LRP1B: variants seen among roughly 807,000 people sequenced by gnomAD.
The protein encoded by LRP1B is low-density lipoprotein receptor-related protein 1B.
LRP1B carries 217 observed loss-of-function variants against 556.6 expected under a neutral mutation model. The observed-to-expected ratio is 0.39, with a 90% CI of 0.35 to 0.44. LRP1B has a LOEUF of 0.44. Among genes scored for constraint, LRP1B ranks in the 20% least tolerant of loss-of-function variants. The pLI, the probability that LRP1B is intolerant of heterozygous loss-of-function variation, is 1.00. For synonymous variants in LRP1B, 2,047 were observed against 1,865.8 expected (o/e 1.10, Z -2.50); for missense variants, 5,053 against 5,620.8 (o/e 0.90, Z 3.23).
chr2:140,864,045 C>A (rs1692876908), intron 27 of LRP1B, among the ~76,000 whole-genome samples: 1 of 151,786 alleles, frequency 6.6e-6, no homozygotes, highest in African/African-American at 2.4e-5. Flanking sequence ...GTTCAGATAA[C>A]AGAACGATTA....
At chr2:140,401,225 T>A (rs11900993) in intron 66 of LRP1B, among the ~76,000 whole-genome samples, 2 of 152,156 alleles carry the variant, frequency 1.3e-5, no homozygotes, top group African/African-American at 2.4e-5. Context: ...TGACATGGTC[T>A]GAAAGCCTCT....
chr2:141,993,413 C>T (rs1423780136), intron 1 of LRP1B, among the ~76,000 whole-genome samples: 1 of 103,860 alleles, frequency 9.6e-6, no homozygotes. Flanking sequence ...GCTGGGGGCT[C>T]CACTAGGAGC....
At chr2:140,389,865 T>C (rs1683938813) in intron 66 of LRP1B, among the ~76,000 whole-genome samples, 1 of 151,818 alleles carries the variant, frequency 6.6e-6, no homozygotes, top group Non-Finnish European at 1.5e-5. Flanking sequence ...TGGTGGTGGC[T>C]CACACCAGTA....
At chr2:142,088,701 C>T (rs758564132) in intron 1 of LRP1B, among the ~76,000 whole-genome samples, 12 of 152,016 alleles carry the variant, frequency 7.9e-5, no homozygotes, top group Non-Finnish European at 1.8e-4. Flanking sequence ...TATGGCCGGG[C>T]GCAGTGGCTC....
chr2:140,392,758 A>C (rs1299844341), intron 66 of LRP1B, among the ~76,000 whole-genome samples: 1 of 152,126 alleles, frequency 6.6e-6, no homozygotes. Context: ...CATCTTCTTC[A>C]AGAGTGCCAA....
intron 43 of LRP1B, among the ~76,000 whole-genome samples, chr2:140,567,082 T>C (rs1392721862): frequency 3.3e-5 from 5 of 152,018 alleles, no homozygotes; most frequent in Non-Finnish European, 1.5e-5. Flanking sequence ...GAAACAAAAA[T>C]GGCTAGGCTG....
chr2:141,327,059 G>C (rs1261334143), intron 3 of LRP1B, among the ~76,000 whole-genome samples: 1 of 152,080 alleles, frequency 6.6e-6, no homozygotes, highest in Non-Finnish European at 1.5e-5. Context: ...GAAATTCACA[G>C]GGCTTAGTGA....
chr2:140,848,651 G>A (rs139805887), intron 29 of LRP1B, among the ~76,000 whole-genome samples: 1 of 152,240 alleles, frequency 6.6e-6, no homozygotes, highest in African/African-American at 2.4e-5. Flanking sequence ...ATGGATTACT[G>A]ATTACTCTTT....
At chr2:141,849,493 T>C (rs1237984784) in intron 1 of LRP1B, among the ~76,000 whole-genome samples, 1 of 151,696 alleles carries the variant, frequency 6.6e-6, no homozygotes, top group East Asian at 1.9e-4. Flanking sequence ...ATTAGAAAGT[T>C]GTTCCATTTT....
chr2:141,550,854 A>G (rs931369618), intron 2 of LRP1B, among the ~76,000 whole-genome samples: 5 of 152,080 alleles, frequency 3.3e-5, no homozygotes, highest in Admixed American at 2.6e-4. Context: ...TTCCCACTTA[A>G]AGTGCTTTGA....
intron 28 of LRP1B, among the ~76,000 whole-genome samples, chr2:140,850,619 A>G (rs897033759): frequency 6.6e-6 from 1 of 152,212 alleles, no homozygotes; most frequent in Non-Finnish European, 1.5e-5. Context: ...GCTAAACTAC[A>G]TAAACTACGA....
At chr2:140,499,479 T>C (rs1488144389) in intron 55 of LRP1B, among the ~76,000 whole-genome samples, 1 of 151,714 alleles carries the variant, frequency 6.6e-6, no homozygotes, top group African/African-American at 2.4e-5. Context: ...CATCAGTTAA[T>C]GACAGGGATA....
At chr2:140,741,195 C>T (rs1343158856) in intron 35 of LRP1B, among the ~76,000 whole-genome samples, 2 of 152,188 alleles carry the variant, frequency 1.3e-5, no homozygotes, top group Non-Finnish European at 2.9e-5. Flanking sequence ...AATTGTATTA[C>T]ATCAGCTTCA....
intron 15 of LRP1B, among the ~76,000 whole-genome samples, chr2:140,999,435 A>T (rs895030088): frequency 1.3e-5 from 2 of 152,066 alleles, no homozygotes; most frequent in Admixed American, 1.3e-4. Context: ...TCAGAAAAAA[A>T]TTTCTCTACT....
In LRP1B at chr2:140,453,604, T is replaced by C. The variant is rs1006401753; in HGVS notation, c.9963+2851A>G. On this transcript the variant is annotated intron_variant, in intron 62 of 90. Transcript: ENST00000389484. ...GCAATCTCAATATGGTAAAGTTTAG[T>C]TGAAACAAGAAAAGTCTCCATTTTA... is the stretch of plus-strand genomic sequence containing the variant. Among the ~76,000 whole-genome samples, 10 of 152,210 alleles carry C rather than the reference T, an allele frequency of 6.6e-5. No individual in the cohort carries two copies. In the South Asian group the frequency reaches 1.9e-3, roughly 28 times the overall value.
intron 35 of LRP1B, among the ~76,000 whole-genome samples, chr2:140,747,075 G>A (rs966559628): frequency 2.0e-5 from 3 of 152,112 alleles, no homozygotes; most frequent in Non-Finnish European, 4.4e-5. Flanking sequence ...AAGGTTTCTG[G>A]GTCTCTGTGT....
chr2:141,474,326 A>G (rs1387101785), intron 3 of LRP1B, among the ~76,000 whole-genome samples: 4 of 152,222 alleles, frequency 2.6e-5, no homozygotes, highest in Non-Finnish European at 5.9e-5. Flanking sequence ...TAATTTTCCC[A>G]TGGTGAATCA....
chr2:141,418,430 A>ATTTT (rs1227512681), intron 3 of LRP1B, among the ~76,000 whole-genome samples: 302 of 108,316 alleles, frequency 2.8e-3, no homozygotes, highest in African/African-American at 0.011. Context: ...ACAGAGCACA[A>ATTTT]TATTTTTTTT....
chr2:141,855,238 G>T (rs997721594), intron 1 of LRP1B, among the ~76,000 whole-genome samples: 2 of 152,020 alleles, frequency 1.3e-5, no homozygotes, highest in Non-Finnish European at 2.9e-5. Context: ...AGAAGCAGAT[G>T]TAACAGGTTT....
Sources: gnomAD v4.1 joint callset for allele counts (sites outside exome capture counted in the v4.1 genomes callset) on GRCh38, gnomAD v4.1.1 for gene constraint, MANE v1.5 for transcripts, NCBI Gene and HGNC (gene_info 2026-07-23, HGNC 2026-07-21) for gene names.